The following NTM variants were observed in gnomAD, a reference collection of about 807,000 sequenced individuals.
NTM encodes IgLON family member 2.
Under a neutral mutation model 42.1 loss-of-function variants are expected in NTM, and 13 were observed. The ratio of observed to expected loss-of-function variants is 0.31; its 90% CI spans 0.20 to 0.49. NTM has a LOEUF of 0.49. Among genes scored for constraint, NTM ranks in the 20% least tolerant of loss-of-function variants. The probability of loss-of-function intolerance (pLI) is 0.99; values close to 1 mark genes in which losing one functional copy is unlikely to be tolerated. For missense variants in NTM, 373 were observed against 452.8 expected, an observed-to-expected ratio of 0.82 and a Z score of 1.60; for synonymous variants, 187 against 179.2, an observed-to-expected ratio of 1.04 and a Z score of -0.35.
intron 1 of NTM, among the ~76,000 whole-genome samples, chr11:131,483,713 G>A (rs1447371736): frequency 1.3e-5 from 2 of 152,206 alleles, no homozygotes; most frequent in Non-Finnish European, 2.9e-5. Flanking sequence ...TCCCTCCGCT[G>A]CGTTTCACCC....
At chr11:131,481,957 C>A (rs1441203792) in intron 1 of NTM, among the ~76,000 whole-genome samples, 1 of 152,148 alleles carries the variant, frequency 6.6e-6, no homozygotes, top group Non-Finnish European at 1.5e-5. Flanking sequence ...ATGATGAGGG[C>A]ATAATCCTCA....
intron 7 of NTM, among the ~76,000 whole-genome samples, chr11:132,315,400 CCT>C (rs1009550988): frequency 3.3e-5 from 5 of 152,142 alleles, no homozygotes; most frequent in Non-Finnish European, 7.3e-5. Context: ...GGGCCCTGGG[CCT>C]CTCATGATGG....
chr11:132,015,684 A>G (rs535507365), intron 2 of NTM, among the ~76,000 whole-genome samples: 3 of 134,690 alleles, frequency 2.2e-5, no homozygotes, highest in Non-Finnish European at 5.1e-5. Context: ...AGCTAATGTA[A>G]GTGTGATTGT....
At chr11:132,297,483 C>T (rs2094658650) in intron 4 of NTM, among the ~76,000 whole-genome samples, 1 of 152,222 alleles carries the variant, frequency 6.6e-6, no homozygotes, top group Non-Finnish European at 1.5e-5. Flanking sequence ...ATGGGCAGAG[C>T]CCTGCATCCT....
At chr11:132,315,770 G>A (rs750077894) in intron 7 of NTM, among the ~76,000 whole-genome samples, 8 of 151,948 alleles carry the variant, frequency 5.3e-5, no homozygotes, top group Admixed American at 1.3e-4. Context: ...CATTCTACCC[G>A]GCACAAATAG....
At chr11:131,925,578 G>T (rs913744762) in intron 2 of NTM, among the ~76,000 whole-genome samples, 1 of 151,782 alleles carries the variant, frequency 6.6e-6, no homozygotes, top group Non-Finnish European at 1.5e-5. Flanking sequence ...GAGAGACAGG[G>T]TTTCACCATG....
rs534468389 is a variant in NTM, at chr11:131,690,766, G to A, written c.83-220798G>A. ...GGCCCACATCCTTGGGGAACAAAAT[G>A]GGAGGATTCCTCCTTACAGTTTGGG... is the stretch of plus-strand genomic sequence containing the variant. On this transcript the variant is annotated intron_variant, in intron 1 of 8. Transcript: ENST00000683400. Among the ~76,000 whole-genome samples, 26 of 152,330 alleles carry A rather than the reference G, an allele frequency of 1.7e-4. No individual in the cohort carries two copies. In the South Asian group the frequency reaches 5.4e-3, roughly 32 times the overall value.
chr11:131,401,090 G>C (rs1377033187), intron 1 of NTM, among the ~76,000 whole-genome samples: 2 of 149,778 alleles, frequency 1.3e-5, no homozygotes, highest in South Asian at 4.2e-4. Context: ...GACAGGAGAA[G>C]TGGAAAGGAG....
intron 3 of NTM, among the ~76,000 whole-genome samples, chr11:132,183,928 A>G (rs952064539): frequency 2.0e-5 from 3 of 151,946 alleles, no homozygotes; most frequent in African/African-American, 7.2e-5. Flanking sequence ...AGAGTCTCAT[A>G]ACTATGATGC....
chr11:132,182,103 A>G (rs528715162), intron 3 of NTM, among the ~76,000 whole-genome samples: 1 of 152,172 alleles, frequency 6.6e-6, no homozygotes, highest in East Asian at 1.9e-4. Flanking sequence ...TCCCATGTTA[A>G]CTAATGCCAC....
rs370422774 is a variant in NTM, at chr11:131,601,586, T to C, written c.82+230698T>C. Among the ~76,000 whole-genome samples the C allele has an allele frequency of 1.4e-3, 205 of 151,340 alleles. 3 individuals carry two copies. The highest frequency in any genetic ancestry group is 4.9e-3 in the African/African-American group (201 of 41,376). ...CTCCCACCTCAAACCCCCTTCCCTC[T>C]CCTTTTTTTTTTTTAAGGCAGCCCC... On this transcript the variant is annotated intron_variant, in intron 1 of 8. Coordinates refer to ENST00000683400, the MANE Select transcript of NTM (RefSeq NM_001352005.2).
At position 132,320,934 on chromosome 11, in the gene NTM, A is replaced by T. The variant is rs576931788; in HGVS notation, c.934+6231A>T. 1.5e-4 allele frequency among the ~76,000 whole-genome samples: 23 copies of T among 150,604 alleles called. 1 individual carries two copies. The highest frequency in any genetic ancestry group is 1.3e-3 in the South Asian group (6 of 4,772). On this transcript the variant is annotated intron_variant, in intron 7 of 8. Transcript: ENST00000683400. ...GGGCCACACTGACACCTCACACTGC[A>T]GGGTACTCCAACAGACCTGCAGCTG...
At chr11:131,697,075 G>T (rs879719817) in intron 1 of NTM, among the ~76,000 whole-genome samples, 6 of 152,220 alleles carry the variant, frequency 3.9e-5, no homozygotes, top group Non-Finnish European at 7.3e-5. Context: ...GACGAAGCCG[G>T]CTGGGGGCAC....
intron 2 of NTM, among the ~76,000 whole-genome samples, chr11:132,080,763 GA>G (rs1276628938): frequency 6.6e-6 from 1 of 152,108 alleles, no homozygotes; most frequent in Non-Finnish European, 1.5e-5. Flanking sequence ...TGCTGGTTTG[GA>G]TTTTAATCTA....
Position 131,670,436 on chromosome 11 carries a change from A to G in NTM, c.83-241128A>G, listed in dbSNP as rs11222733. On this transcript the variant is annotated intron_variant, in intron 1 of 8. Coordinates refer to ENST00000683400, the MANE Select transcript of NTM (RefSeq NM_001352005.2). Reference sequence around the variant, plus strand: ...TCTTATACATTTATTTATTTTTGCTAAGGAATACATGTCTGCATTCATGTA... The same window carrying G: ...TCTTATACATTTATTTATTTTTGCTGAGGAATACATGTCTGCATTCATGTA... 9.8e-4 allele frequency among the ~76,000 whole-genome samples: 147 copies of G among 150,442 alleles called. 2 individuals are homozygous for G. In the East Asian group the frequency reaches 0.026, roughly 27 times the overall value.
At chr11:132,040,913 T>C (rs1024113791) in intron 2 of NTM, among the ~76,000 whole-genome samples, 1 of 152,174 alleles carries the variant, frequency 6.6e-6, no homozygotes, top group Non-Finnish European at 1.5e-5. Flanking sequence ...AATGTCCTTA[T>C]TGGTTTAAAA....
At chr11:132,215,110 G>T (rs917134628) in intron 4 of NTM, among the ~76,000 whole-genome samples, 1 of 152,216 alleles carries the variant, frequency 6.6e-6, no homozygotes, top group Non-Finnish European at 1.5e-5. Flanking sequence ...AATAAACCAG[G>T]ATGGGCTTGG....
At chr11:132,090,775 C>G (rs963289368) in intron 2 of NTM, among the ~76,000 whole-genome samples, 2 of 152,166 alleles carry the variant, frequency 1.3e-5, no homozygotes, top group African/African-American at 4.8e-5. Context: ...CCTTACCCCA[C>G]TGTCCTCCTA....
chr11:131,992,510 C>T (rs2067209966), intron 2 of NTM, among the ~76,000 whole-genome samples: 1 of 151,938 alleles, frequency 6.6e-6, no homozygotes, highest in Non-Finnish European at 1.5e-5. Flanking sequence ...TACAACTTTG[C>T]TTCAAAAACA....
Sources: allele counts gnomAD v4.1 joint callset (sites outside exome capture counted in the v4.1 genomes callset), GRCh38; gene constraint gnomAD v4.1.1; transcripts MANE v1.5; gene names NCBI Gene and HGNC (gene_info 2026-07-23, HGNC 2026-07-21).